Variants in TRMU observed in about 807,000 individuals in gnomAD.
TRMU encodes the protein tRNA mitochondrial 2-thiouridylase, also known as mitochondrial tRNA-specific 2-thiouridylase 1.
A neutral mutation model predicts 46.9 loss-of-function variants in TRMU; 49 were observed. The observed-to-expected ratio is 1.05, with a 90% confidence interval of 0.83 to 1.33. The LOEUF (loss-of-function observed/expected upper bound fraction) is 1.33. Ranked by LOEUF, TRMU falls within the 40% of genes most tolerant of loss-of-function variation. The pLI, the probability that TRMU is intolerant of heterozygous loss-of-function variation, is 0.00. For synonymous variants in TRMU, 241 were observed against 200.9 expected (o/e 1.20, Z -1.69); for missense variants, 572 against 532.4 (o/e 1.07, Z -0.73).
rs544751766 is a variant in TRMU, at chr22:46,338,337, T to C, written c.248+393T>C. On this transcript the variant is annotated intron_variant, in intron 2 of 10. Transcript: ENST00000645190. This position sits in a 1 kb window ranked among gnomAD's most constrained non-coding sequence, Gnocchi z 4.5. ...TCTGAGAAAGAGGTGATACATGGCC[T>C]GTGCCTCTGAAAACAAGAAACAAAC... is the stretch of plus-strand genomic sequence containing the variant. 7.5e-6 allele frequency: 2 copies of C among 267,260 alleles called. No homozygotes were observed. The highest frequency in any genetic ancestry group is 4.7e-5 in the Admixed American group (1 of 21,200). 16.6% of individuals were successfully genotyped at this position (267,260 alleles called of 1,614,324 possible).
rs1302029693 is a variant in TRMU at position 46,350,053 on chromosome 22, T to C, written c.479-238T>C. Among the ~76,000 whole-genome samples, 2 of 151,972 alleles carry C rather than the reference T, an allele frequency of 1.3e-5. No individual in the cohort carries two copies. Among genetic ancestry groups the C allele is most frequent in the African/African-American group, 4.8e-5 (2 of 41,378 alleles). On this transcript the variant is annotated intron_variant, in intron 4 of 10. Transcript: ENST00000645190. The surrounding 1 kb of genome is among the most constrained non-coding windows in gnomAD (Gnocchi z 4.6). Reference sequence around the variant, plus strand: ...TTTCATCTTTGAAAATATTATAATCTGAAGTATGAGCTGGAATAATTTCTT... The same window carrying C: ...TTTCATCTTTGAAAATATTATAATCCGAAGTATGAGCTGGAATAATTTCTT...
rs2147868495 is a variant in TRMU, at chr22:46,343,251, T to C, written c.249-11T>C. The C allele has an allele frequency of 1.3e-6, 2 of 1,596,278 alleles. No homozygotes were observed. Among genetic ancestry groups the C allele is most frequent in the South Asian group, 1.1e-5 (1 of 90,312 alleles). ...CACACTTGGAACTGAAGTCATTTTC[T>C]TTTATTCTAGTGACTTTTTGAATGA... On this transcript the variant is annotated splice_polypyrimidine_tract_variant and intron_variant, in intron 2 of 10. Coordinates refer to ENST00000645190, the MANE Select transcript of TRMU (RefSeq NM_018006.5).
In TRMU at chr22:46,348,335, T is replaced by C. The variant is rs1364637242; in HGVS notation, c.478+1791T>C. On this transcript the variant is annotated intron_variant, in intron 4 of 10. Transcript: ENST00000645190. The surrounding 1 kb of genome is among the most constrained non-coding windows in gnomAD (Gnocchi z 4.8). ...CTTGGGACAGTACTGATGCGTTCTG[T>C]TGAGTGCGTTTGGCATGTGGGAATT... 6.6e-6 allele frequency among the ~76,000 whole-genome samples: 1 copy of C among 152,248 alleles called. No individual in the cohort carries two copies. Among genetic ancestry groups the C allele is most frequent in the East Asian group, 1.9e-4 (1 of 5,204 alleles).
Position 46,357,121 on chromosome 22 carries a change from G to A in TRMU, c.*115G>A. On this transcript the variant is annotated 3_prime_UTR_variant, in exon 11 of 11. Transcript: ENST00000645190. ...TGCTGCCCAAAGCAGAGGAAGCCGG[G>A]CTGGCTGAGGGTCCGAAAAGCCTGC... 6.8e-7 allele frequency: 1 copy of A among 1,473,146 alleles called. No individual in the cohort carries two copies. Among genetic ancestry groups the A allele is most frequent in the South Asian group, 1.2e-5 (1 of 83,864 alleles). 91.3% of individuals were successfully genotyped at this position (1,473,146 alleles called of 1,614,324 possible). A position where few individuals can be genotyped will look rare whatever the true frequency, so the allele number is the denominator to read the frequency against.
Position 46,348,067 on chromosome 22 carries a change from T to G in TRMU, c.478+1523T>G, listed in dbSNP as rs533165279. On this transcript the variant is annotated intron_variant, in intron 4 of 10. Coordinates refer to ENST00000645190, the MANE Select transcript of TRMU (RefSeq NM_018006.5). This position sits in a 1 kb window ranked among gnomAD's most constrained non-coding sequence, Gnocchi z 4.8. The stretch of plus-strand genomic sequence containing the variant: ...CCCCCATTTCAGGAAGACATGGGTT[T>G]GAATGCAGATAAGACAGCCCCCCAT... 3.3e-5 allele frequency among the ~76,000 whole-genome samples: 5 copies of G among 151,388 alleles called. No individual in the cohort carries two copies. Among genetic ancestry groups the G allele is most frequent in the African/African-American group, 7.3e-5 (3 of 41,232 alleles).
Position 46,335,754 on chromosome 22 carries a change from G to C in TRMU, c.-11G>C. 6.5e-7 allele frequency: 1 copy of C among 1,549,018 alleles called. No individual in the cohort carries two copies. Among genetic ancestry groups the C allele is most frequent in the Non-Finnish European group, 8.7e-7 (1 of 1,150,784 alleles). On this transcript the variant is annotated 5_prime_UTR_variant, in exon 1 of 11. Transcript: ENST00000645190. ...CGGTAGCTGCAGCTGGCGAAGTTGG[G>C]CGACTGGCGGATGCAGGCCTTGCGG...
At position 46,352,277 on chromosome 22, in the gene TRMU, G is replaced by T. The variant is rs148994335; in HGVS notation, c.719G>T (p.Arg240Leu). ...EHFLLQYLQP[R>L]PGHFISIEDN... ...TTTGTTTTCCAGTATCTGCAGCCTC[G>T]ACCTGGTCACTTTATTTCCATAGAA... The change falls in exon 7 of 11, where the codon CGA (arginine) becomes CTA (leucine). Residue 240 changes from arginine (R) to leucine (L), a missense_variant. Coordinates refer to ENST00000645190, the MANE Select transcript of TRMU (RefSeq NM_018006.5). The T allele has an allele frequency of 1.9e-6, 3 of 1,614,072 alleles. No individual in the cohort carries two copies. The highest frequency in any genetic ancestry group is 3.3e-4 in the Middle Eastern group (2 of 6,062).
chr22:46,352,480 C>G (rs2078461820), intron 7 of TRMU, 150 bp downstream of exon 7: 2 of 862,636 alleles, frequency 2.3e-6, no homozygotes, highest in East Asian at 5.1e-5. Flanking sequence ...CGGGCACGGC[C>G]TAGGGTGGAA....
rs2078101572 is a variant in TRMU at position 46,340,780 on chromosome 22, C to G, written c.249-2482C>G. On this transcript the variant is annotated intron_variant, in intron 2 of 10. Transcript: ENST00000645190. ...TAGGAGCGGAGCTGGGATTAAAACC[C>G]AGCTTTCCAGGCCAGTGCTTGCTGC... is the stretch of plus-strand genomic sequence containing the variant. 2.0e-5 allele frequency among the ~76,000 whole-genome samples: 3 copies of G among 152,338 alleles called. No homozygotes were observed. In the South Asian group the frequency reaches 6.2e-4, roughly 32 times the overall value.
chr22:46,355,099 A>G, intron 8 of TRMU: 1 of 410,542 alleles, frequency 2.4e-6, no homozygotes, highest in East Asian at 4.9e-5. Flanking sequence ...CCAGTCCTCG[A>G]GGGGGGCCGT....
chr22:46,352,029 C>T (rs946801407), intron 5 of TRMU, 92 bp from the exon 6 acceptor site: 23 of 1,435,466 alleles, frequency 1.6e-5, no homozygotes, highest in Admixed American at 8.4e-5. Flanking sequence ...GGGGTGAGGC[C>T]GGGAGGCCCC....
chr22:46,346,743 A>G (rs1210833854), intron 4 of TRMU, among the ~76,000 whole-genome samples, 199 bp downstream of exon 4: 1 of 152,240 alleles, frequency 6.6e-6, no homozygotes, highest in African/African-American at 2.4e-5. Flanking sequence ...GGTAGTAAAC[A>G]GTGTCCCTGC....
In TRMU at chr22:46,347,704, C is replaced by T. The variant is rs1226540877; in HGVS notation, c.478+1160C>T. Among the ~76,000 whole-genome samples, 1 of 152,188 alleles carries T rather than the reference C, an allele frequency of 6.6e-6. No homozygotes were observed. Among genetic ancestry groups the T allele is most frequent in the African/African-American group, 2.4e-5 (1 of 41,430 alleles). Reference sequence around the variant, plus strand: ...GTCCATGAGGTGTATGCTCTCATCCCGTTTCACAGATGAGGAAACCGAGGC... The same window carrying T: ...GTCCATGAGGTGTATGCTCTCATCCTGTTTCACAGATGAGGAAACCGAGGC... On this transcript the variant is annotated intron_variant, in intron 4 of 10. Coordinates refer to ENST00000645190, the MANE Select transcript of TRMU (RefSeq NM_018006.5). The surrounding 1 kb of genome is among the most constrained non-coding windows in gnomAD (Gnocchi z 5.0).
At chr22:46,356,348 A>C in intron 10 of TRMU, 3 of 502,022 alleles carry the variant, frequency 6.0e-6, no homozygotes, top group East Asian at 3.6e-5. Flanking sequence ...AGGACAGAAA[A>C]TGGAAGGGGC....
chr22:46,354,574 A>ACGAATGCTGGGG (rs2078538569), intron 8 of TRMU: 1 of 152,874 alleles, frequency 6.5e-6, no homozygotes, highest in African/African-American at 2.4e-5. Context: ...ATGTTCTGGC[A>ACGAATGCTGGGG]CGAATGCTGG....
chr22:46,343,491 T>C (rs2078176873), intron 3 of TRMU, 123 bp downstream of exon 3: 3 of 746,162 alleles, frequency 4.0e-6, no homozygotes, highest in East Asian at 5.4e-5. Context: ...GCTCAAGAGA[T>C]TCTCCCACCC....
Position 46,338,143 on chromosome 22 carries a change from A to T in TRMU, c.248+199A>T. The T allele has an allele frequency of 1.6e-6, 1 of 645,060 alleles. No homozygotes were observed. The highest frequency in any genetic ancestry group is 1.7e-5 in the South Asian group (1 of 58,526). 40.0% of individuals were successfully genotyped at this position (645,060 alleles called of 1,614,324 possible). On this transcript the variant is annotated intron_variant, in intron 2 of 10. Coordinates refer to ENST00000645190, the MANE Select transcript of TRMU (RefSeq NM_018006.5). This position sits in a 1 kb window ranked among gnomAD's most constrained non-coding sequence, Gnocchi z 4.5. ...GAGGCCTGGACCCCACAGCACACCC[A>T]GCTCTCTCACTCCTGTCATTTTGCC...
At position 46,357,163 on chromosome 22, in the gene TRMU, C is replaced by A. The variant is rs890618034; in HGVS notation, c.*157C>A. On this transcript the variant is annotated 3_prime_UTR_variant, in exon 11 of 11. Transcript: ENST00000645190. ...AAAGCCTGCAGGGGCCCGGCGAGCC[C>A]CAGGAAGAGCCTCAGCTCCAGGCTG... 8.4e-6 allele frequency: 8 copies of A among 955,582 alleles called. No homozygotes were observed. Among genetic ancestry groups the A allele is most frequent in the Middle Eastern group, 3.1e-4 (1 of 3,184 alleles). The allele number at this position is 955,582 out of a possible 1,614,324, so 59.2% of individuals were successfully genotyped here.
Position 46,350,566 on chromosome 22 carries a change from A to G in TRMU, c.651+103A>G, listed in dbSNP as rs2078389640. 6 of 1,413,834 alleles carry G rather than the reference A, an allele frequency of 4.2e-6. No homozygotes were observed. Among genetic ancestry groups the G allele is most frequent in the South Asian group, 3.5e-5 (3 of 85,474 alleles). 87.6% of individuals were successfully genotyped at this position (1,413,834 alleles called of 1,614,324 possible). A position where few individuals can be genotyped will look rare whatever the true frequency, so the allele number is the denominator to read the frequency against. On this transcript the variant is annotated intron_variant, in intron 5 of 10. Coordinates refer to ENST00000645190, the MANE Select transcript of TRMU (RefSeq NM_018006.5). This position sits in a 1 kb window ranked among gnomAD's most constrained non-coding sequence, Gnocchi z 4.6. ...GGTCCCGCACCACTTCCCCTTCTCC[A>G]GGACCTAACATCAAAGGCGGGCCTT...
Sources: allele counts gnomAD v4.1 joint callset (sites outside exome capture counted in the v4.1 genomes callset), GRCh38; gene constraint gnomAD v4.1.1; non-coding constraint Gnocchi (gnomAD v3.1); transcripts MANE v1.5; gene names NCBI Gene and HGNC (gene_info 2026-07-23, HGNC 2026-07-21).